Variants in CAMK1D observed in about 807,000 individuals in gnomAD.
The protein encoded by CAMK1D is calcium/calmodulin dependent protein kinase ID, also known as calcium/calmodulin-dependent protein kinase type 1D.
CAMK1D carries 9 observed loss-of-function variants against 47.7 expected under a neutral mutation model. The observed-to-expected ratio is 0.19, with a 90% confidence interval of 0.11 to 0.33. The LOEUF (loss-of-function observed/expected upper bound fraction) is 0.33, where lower values mean the gene tolerates loss of function less well. CAMK1D is among the 10% of genes least tolerant of loss of function. The pLI, the probability that CAMK1D is intolerant of heterozygous loss-of-function variation, is 1.00. For missense variants in CAMK1D, 291 were observed against 488.7 expected (o/e 0.60, Z 3.81); for synonymous variants, 184 against 184.9 (o/e 0.99, Z 0.04).
chr10:12,492,737 G>A (rs1461368424), intron 1 of CAMK1D, among the ~76,000 whole-genome samples: 1 of 152,190 alleles, frequency 6.6e-6, no homozygotes, highest in Non-Finnish European at 1.5e-5. Context: ...GGACCCGAGG[G>A]CAGATTCTCA....
In CAMK1D at chr10:12,780,959, G is replaced by A. The variant is rs182855085; in HGVS notation, c.566-10199G>A. ...CCCCCTAAGTGGGGAGACTTGTAGG[G>A]CCTGCTCCTCTTCGTGGACCTGACT... On this transcript the variant is annotated intron_variant, in intron 5 of 10. Transcript: ENST00000619168. Among the ~76,000 whole-genome samples, 620 of 152,318 alleles carry A rather than the reference G, an allele frequency of 4.1e-3. 2 individuals carry two copies. The highest frequency in any genetic ancestry group is 0.014 in the African/African-American group (589 of 41,576).
At chr10:12,664,636 G>A (rs567462089) in intron 2 of CAMK1D, among the ~76,000 whole-genome samples, 1 of 152,340 alleles carries the variant, frequency 6.6e-6, no homozygotes, top group South Asian at 2.1e-4. Context: ...ACCCAATTTA[G>A]AGATTGAGTG....
chr10:12,827,462 TTGTC>T (rs146091737), intron 10 of CAMK1D, among the ~76,000 whole-genome samples: 468 of 12,144 alleles, frequency 0.039, 181 homozygotes, highest in Non-Finnish European at 0.08. Flanking sequence ...TTTTCTTTCT[TTGTC>T]TGTCTGTCTT....
intron 2 of CAMK1D, among the ~76,000 whole-genome samples, chr10:12,659,703 G>A (rs1016490642): frequency 7.9e-5 from 12 of 152,114 alleles, no homozygotes; most frequent in Non-Finnish European, 1.6e-4. Flanking sequence ...GGTTTGCCAA[G>A]ACATCACAAT....
intron 5 of CAMK1D, among the ~76,000 whole-genome samples, chr10:12,777,615 C>T (rs1021044087): frequency 4.6e-5 from 7 of 152,102 alleles, no homozygotes; most frequent in African/African-American, 1.7e-4. Context: ...CTCAGGTGAT[C>T]CACCTGTCTC....
intron 1 of CAMK1D, chr10:12,415,790 G>T: frequency 1.4e-5 from 2 of 147,494 alleles, no homozygotes; most frequent in South Asian, 2.2e-4. Flanking sequence ...AGACATGGTT[G>T]ATAATGAGAT....
rs1018031403 is a variant in CAMK1D, at chr10:12,553,491, C to A, written c.224+135C>A. 4 of 659,366 alleles carry A rather than the reference C, an allele frequency of 6.1e-6. No homozygotes were observed. In the African/African-American group the frequency reaches 7.3e-5, roughly 12 times the overall value. 40.8% of individuals were successfully genotyped at this position (659,366 alleles called of 1,614,324 possible). Reference sequence around the variant, plus strand: ...GGACCCAGGCTGTGCAAACGATAACCAACTTTCAAAGCACTTTTCCCATAG... The same window carrying A: ...GGACCCAGGCTGTGCAAACGATAACAAACTTTCAAAGCACTTTTCCCATAG... On this transcript the variant is annotated intron_variant, in intron 2 of 10. Coordinates refer to ENST00000619168, the MANE Select transcript of CAMK1D (RefSeq NM_153498.4).
chr10:12,830,563 G>A lies in CAMK1D; in HGVS notation c.*1676G>A, dbSNP rs1244546460. 1.3e-5 allele frequency: 2 copies of A among 152,246 alleles called. No individual in the cohort carries two copies. The highest frequency in any genetic ancestry group is 2.9e-5 in the Non-Finnish European group (2 of 68,068). The allele number at this position is 152,246 out of a possible 1,614,324, so 9.4% of individuals were successfully genotyped here. A position where few individuals can be genotyped will look rare whatever the true frequency, so the allele number is the denominator to read the frequency against. On this transcript the variant is annotated 3_prime_UTR_variant, in exon 11 of 11. Coordinates refer to ENST00000619168, the MANE Select transcript of CAMK1D (RefSeq NM_153498.4). ...TTTAATGCCAAAACCAGGAATATCC[G>A]GGGCAAAGCAGGCTGTGTTGTTCGC...
chr10:12,700,213 C>A (rs1432844624), intron 3 of CAMK1D, among the ~76,000 whole-genome samples: 1 of 152,068 alleles, frequency 6.6e-6, no homozygotes, highest in Non-Finnish European at 1.5e-5. Context: ...TAAAGACATA[C>A]CAGAAACTAG....
intron 1 of CAMK1D, among the ~76,000 whole-genome samples, chr10:12,497,556 GT>G (rs1270735901): frequency 6.6e-6 from 1 of 151,784 alleles, no homozygotes; most frequent in East Asian, 1.9e-4. Flanking sequence ...AAGATTTGGT[GT>G]GTGTTCCCTT....
At chr10:12,722,054 C>T (rs1360124495) in intron 3 of CAMK1D, among the ~76,000 whole-genome samples, 2 of 152,088 alleles carry the variant, frequency 1.3e-5, no homozygotes, top group African/African-American at 4.8e-5. Context: ...CCCTCATGAC[C>T]TAATCACCTC....
chr10:12,603,565 C>G (rs774851331), intron 2 of CAMK1D, among the ~76,000 whole-genome samples: 10 of 152,162 alleles, frequency 6.6e-5, no homozygotes, highest in Non-Finnish European at 1.0e-4. Flanking sequence ...CTGTGCTATT[C>G]GATGGAGTGG....
At chr10:12,782,556 C>A (rs1326300412) in intron 5 of CAMK1D, among the ~76,000 whole-genome samples, 1 of 152,228 alleles carries the variant, frequency 6.6e-6, no homozygotes. Context: ...CTTCTCGTGT[C>A]TTCTCTGATA....
At chr10:12,747,981 C>T (rs1835764297) in intron 3 of CAMK1D, among the ~76,000 whole-genome samples, 1 of 152,192 alleles carries the variant, frequency 6.6e-6, no homozygotes, top group South Asian at 2.1e-4. Context: ...ATCCAAAAAG[C>T]AGACACACTC....
chr10:12,625,577 C>G (rs1338605817), intron 2 of CAMK1D, among the ~76,000 whole-genome samples: 1 of 150,946 alleles, frequency 6.6e-6, no homozygotes, highest in African/African-American at 2.4e-5. Context: ...ACAATCCTCT[C>G]GCCTCCGCCT....
chr10:12,718,666 TTAA>T (rs1834248999), intron 3 of CAMK1D, among the ~76,000 whole-genome samples: 1 of 152,234 alleles, frequency 6.6e-6, no homozygotes, highest in Non-Finnish European at 1.5e-5. Flanking sequence ...GTTTCTTCGT[TTAA>T]TGATTTAAAA....
intron 2 of CAMK1D, among the ~76,000 whole-genome samples, chr10:12,613,684 T>C (rs1838698733): frequency 6.6e-6 from 1 of 152,208 alleles, no homozygotes; most frequent in Admixed American, 6.5e-5. Context: ...TTCACTATGT[T>C]GGCCAGGCTG....
chr10:12,485,212 T>TA (rs1834177611), intron 1 of CAMK1D, among the ~76,000 whole-genome samples: 1 of 152,142 alleles, frequency 6.6e-6, no homozygotes, highest in African/African-American at 2.4e-5. Context: ...GGCAGATTAT[T>TA]ACAGCGAGTG....
chr10:12,626,187 A>C (rs1839208217), intron 2 of CAMK1D, among the ~76,000 whole-genome samples: 1 of 152,094 alleles, frequency 6.6e-6, no homozygotes, highest in Non-Finnish European at 1.5e-5. Context: ...TGTCATACTC[A>C]TACGACACCA....
Sources: allele counts gnomAD v4.1 joint callset (sites outside exome capture counted in the v4.1 genomes callset), GRCh38; gene constraint gnomAD v4.1.1; transcripts MANE v1.5; gene names NCBI Gene and HGNC (gene_info 2026-07-23, HGNC 2026-07-21).